Variants in MYOM2 observed in about 807,000 individuals in gnomAD.
The protein encoded by MYOM2 is myomesin 2, also known as myomesin-2.
In MYOM2, 254 loss-of-function variants were observed where a neutral mutation model predicts 187.6. The ratio of observed to expected loss-of-function variants is 1.35; its 90% CI spans 1.22 to 1.50. MYOM2 has a LOEUF of 1.50. Ranked by LOEUF, MYOM2 falls within the 40% of genes most tolerant of loss-of-function variation. The probability of loss-of-function intolerance (pLI) is 0.00; values close to 1 mark genes in which losing one functional copy is unlikely to be tolerated. For missense variants in MYOM2, 2,796 were observed against 1,924.0 expected, an observed-to-expected ratio of 1.45 and a Z score of -8.48; for synonymous variants, 981 against 753.8, an observed-to-expected ratio of 1.30 and a Z score of -4.94.
intron 27 of MYOM2, among the ~76,000 whole-genome samples, chr8:2,117,649 G>T (rs1415794616): frequency 6.6e-6 from 1 of 152,184 alleles, no homozygotes; most frequent in African/African-American, 2.4e-5. Flanking sequence ...ACAGATTCCA[G>T]TGGAGAATCA....
rs781268987 is a variant in MYOM2 at position 2,085,261 on chromosome 8, A to C, written c.1517-2A>C. 3.1e-6 allele frequency: 5 copies of C among 1,613,934 alleles called. No homozygotes were observed. Among genetic ancestry groups the C allele is most frequent in the Middle Eastern group, 1.7e-4 (1 of 6,060 alleles). ...CACTCACCGAATTTATTATTCCTCC[A>C]GGTGACGCCCAGGTTCCAGGGCCTC... On this transcript the variant is annotated splice_acceptor_variant, in intron 13 of 36. Transcript: ENST00000262113. LOFTEE classifies it high-confidence loss of function.
intron 11 of MYOM2, chr8:2,076,657 G>C (rs139970600): frequency 5.5e-6 from 1 of 181,122 alleles, no homozygotes; most frequent in Admixed American, 6.1e-5. Flanking sequence ...GCTTGGAACT[G>C]TCCTTCCCTC....
intron 21 of MYOM2, among the ~76,000 whole-genome samples, chr8:2,105,497 G>A (rs936847163): frequency 6.6e-6 from 1 of 152,176 alleles, no homozygotes; most frequent in South Asian, 2.1e-4. Context: ...GCCCCATGGA[G>A]AAGGCAGAGC....
chr8:2,052,839 C>T lies in MYOM2; in HGVS notation c.263+526C>T, dbSNP rs147661490. Among the ~76,000 whole-genome samples, 223 of 152,288 alleles carry T rather than the reference C, an allele frequency of 1.5e-3. 1 individual carries two copies. Among genetic ancestry groups the T allele is most frequent in the African/African-American group, 5.2e-3 (214 of 41,548 alleles). On this transcript the variant is annotated intron_variant, in intron 3 of 36. Coordinates refer to ENST00000262113, the MANE Select transcript of MYOM2 (RefSeq NM_003970.4). ...GGGAGCCAGGGTTTTAAACAGTTGT[C>T]GTGTGGAAACTAAAGAGTTGGGAAG...
chr8:2,103,541 G>T, intron 21 of MYOM2, among the ~76,000 whole-genome samples: 1 of 150,402 alleles, frequency 6.6e-6, no homozygotes, highest in African/African-American at 2.5e-5. Context: ...ATATGTGTAT[G>T]TATGGATGGG....
Position 2,058,309 on chromosome 8 carries a change from C to A in MYOM2, c.560+529C>A, listed in dbSNP as rs529219794. On this transcript the variant is annotated intron_variant, in intron 5 of 36. Transcript: ENST00000262113. ...CCTGGGGTGACAGGCATGAGCCACA[C>A]GCCTGACCAGAGTGTATTGTTTAAA... is the stretch of plus-strand genomic sequence containing the variant. Among the ~76,000 whole-genome samples the A allele has an allele frequency of 7.2e-4, 110 of 152,076 alleles. 1 individual carries two copies. The highest frequency in any genetic ancestry group is 7.1e-4 in the Non-Finnish European group (48 of 68,026).
intron 13 of MYOM2, 63 bp downstream of exon 13, chr8:2,079,676 T>C: frequency 6.5e-7 from 1 of 1,538,310 alleles, no homozygotes; most frequent in Non-Finnish European, 9.0e-7. Flanking sequence ...TAATTAGAGA[T>C]GGGAGAGATG....
At position 2,073,389 on chromosome 8, in the gene MYOM2, C is replaced by T. The variant is rs753725880; in HGVS notation, c.1009C>T (p.Gln337Ter). ...GACGAAGATGTTCTTTGGAGAAGGC[C>T]AGGCCTCCCTGTCCTTCAGCCACCT... ...KWTKMFFGEG[Q>*]ASLSFSHLHK... The change falls in exon 10 of 37, where the codon CAG becomes TAG. Residue 337 changes from glutamine (Q) to a stop codon, truncating the protein, a stop_gained. Coordinates refer to ENST00000262113, the MANE Select transcript of MYOM2 (RefSeq NM_003970.4). LOFTEE classifies it high-confidence loss of function. 6.2e-7 allele frequency: 1 copy of T among 1,613,378 alleles called. No individual in the cohort carries two copies. The highest frequency in any genetic ancestry group is 1.7e-5 in the Admixed American group (1 of 59,980).
chr8:2,110,778 C>T (rs540209416), intron 25 of MYOM2, among the ~76,000 whole-genome samples: 1 of 152,324 alleles, frequency 6.6e-6, no homozygotes, highest in East Asian at 1.9e-4. Context: ...TCATTGCAGT[C>T]CAGCCTTTGT....
intron 28 of MYOM2, among the ~76,000 whole-genome samples, chr8:2,118,421 C>G (rs758204924): frequency 6.6e-6 from 1 of 152,172 alleles, no homozygotes; most frequent in Non-Finnish European, 1.5e-5. Context: ...AATTTAATAA[C>G]TGCCTACTAT....
At chr8:2,109,323 C>T in intron 24 of MYOM2, 72 bp from the exon 25 acceptor site, 2 of 1,457,766 alleles carry the variant, frequency 1.4e-6, no homozygotes, top group African/African-American at 1.4e-5. Flanking sequence ...TGATATTTCC[C>T]TACAATTTGC....
At chr8:2,082,559 C>A (rs1354921469) in intron 13 of MYOM2, among the ~76,000 whole-genome samples, 1 of 152,186 alleles carries the variant, frequency 6.6e-6, no homozygotes, top group Non-Finnish European at 1.5e-5. Flanking sequence ...GCAATGTCTT[C>A]CTTCACACAT....
At chr8:2,143,779 G>A (rs1487534390) in intron 36 of MYOM2, among the ~76,000 whole-genome samples, 1 of 152,214 alleles carries the variant, frequency 6.6e-6, no homozygotes, top group East Asian at 1.9e-4. Flanking sequence ...ACCCAGAGGA[G>A]CAACTGCAGG....
intron 1 of MYOM2, among the ~76,000 whole-genome samples, chr8:2,048,549 C>T (rs561209019): frequency 6.7e-5 from 10 of 149,560 alleles, no homozygotes; most frequent in African/African-American, 2.6e-4. Flanking sequence ...AGACAGCAAC[C>T]GATTTCGGTA....
At position 2,085,201 on chromosome 8, in the gene MYOM2, G is replaced by A. The variant is rs552294290; in HGVS notation, c.1517-62G>A. On this transcript the variant is annotated intron_variant, in intron 13 of 36. Coordinates refer to ENST00000262113, the MANE Select transcript of MYOM2 (RefSeq NM_003970.4). ...GTGGCAGAGTCCTCCAGTGCCCCGA[G>A]GTGGGCTGCAGCGAGGCTGATGGGG... 7 of 1,581,782 alleles carry A rather than the reference G, an allele frequency of 4.4e-6. No homozygotes were observed. In the Admixed American group the frequency reaches 1.0e-4, roughly 24 times the overall value.
At position 2,140,823 on chromosome 8, in the gene MYOM2, T is replaced by C. The variant is rs542600210; in HGVS notation, c.3901T>C (p.Tyr1301His). 6 of 1,613,934 alleles carry C rather than the reference T, an allele frequency of 3.7e-6. No individual in the cohort carries two copies. The highest frequency in any genetic ancestry group is 2.2e-5 in the East Asian group (1 of 44,872). The part of the protein sequence containing the change: ...CEPTEKDKGK[Y>H]TFEIFDGKDN... ...GCCGACTGAGAAGGATAAAGGAAAATACACTTTTGAGATTTTCGATGGCAA... is the reference window on the plus strand; with the variant it reads ...GCCGACTGAGAAGGATAAAGGAAAACACACTTTTGAGATTTTCGATGGCAA... Residue 1301 changes from tyrosine (Y) to histidine (H), a missense_variant, in exon 33 of 37, where the codon TAC becomes CAC. Coordinates refer to ENST00000262113, the MANE Select transcript of MYOM2 (RefSeq NM_003970.4).
chr8:2,066,198 G>A (rs749153469), intron 6 of MYOM2, among the ~76,000 whole-genome samples: 1 of 152,208 alleles, frequency 6.6e-6, no homozygotes, highest in Non-Finnish European at 1.5e-5. Flanking sequence ...AGGGTCACGT[G>A]CAGCGGTTCC....
chr8:2,059,779 G>C (rs1214245799), intron 6 of MYOM2, among the ~76,000 whole-genome samples: 2 of 126,472 alleles, frequency 1.6e-5, no homozygotes, highest in Non-Finnish European at 3.2e-5. Context: ...TTTCGCTCTT[G>C]TTGCCCAGGC....
intron 28 of MYOM2, among the ~76,000 whole-genome samples, chr8:2,118,402 C>A (rs542226588): frequency 2.6e-5 from 4 of 152,136 alleles, no homozygotes; most frequent in African/African-American, 9.7e-5. Context: ...TTTTAAGCAG[C>A]AAATCTTCAA....
Sources: gnomAD v4.1 joint callset for allele counts (sites outside exome capture counted in the v4.1 genomes callset) on GRCh38, gnomAD v4.1.1 for gene constraint, MANE v1.5 for transcripts, NCBI Gene and HGNC (gene_info 2026-07-23, HGNC 2026-07-21) for gene names.